The following PLXNA1 variants were observed in gnomAD, a reference collection of about 807,000 sequenced individuals.
PLXNA1 encodes the protein plexin A1, also known as plexin-A1.
In PLXNA1, 77 loss-of-function variants were observed where a neutral mutation model predicts 191.7. That is an observed-to-expected ratio of 0.40 (90% CI 0.33 to 0.49). The LOEUF is 0.49. Ranked by LOEUF, PLXNA1 falls within the 20% of genes least tolerant of loss-of-function variation. The pLI, the probability that PLXNA1 is intolerant of heterozygous loss-of-function variation, is 0.63. For missense variants in PLXNA1, 2,110 were observed against 2,660.2 expected (o/e 0.79, Z 4.55); for synonymous variants, 1,137 against 1,156.4 (o/e 0.98, Z 0.34).
chr3:127,023,498 C>T (rs896498084), intron 23 of PLXNA1, among the ~76,000 whole-genome samples: 3 of 152,204 alleles, frequency 2.0e-5, no homozygotes, highest in East Asian at 1.9e-4. Flanking sequence ...GCATGCTCCT[C>T]GCCTGGCTTC....
chr3:127,009,450 T>C (rs2079084996), intron 9 of PLXNA1, among the ~76,000 whole-genome samples: 1 of 151,920 alleles, frequency 6.6e-6, no homozygotes, highest in African/African-American at 2.4e-5. Context: ...CCACAAATAC[T>C]TACTCTTTTT....
Position 126,983,174 on chromosome 3 carries a change from C to T in PLXNA1, c.-187C>T, listed in dbSNP as rs1035154172. On this transcript the variant is annotated 5_prime_UTR_variant, in exon 1 of 32. Transcript: ENST00000393409. The stretch of plus-strand genomic sequence containing the variant: ...CGGAGCCCGGGCGCGGCGGCGGCCT[C>T]GGCCTGGGCGGCCTACGCGGCTTCG... 6.9e-6 allele frequency among the ~76,000 whole-genome samples: 1 copy of T among 144,746 alleles called. No individual in the cohort carries two copies. The highest frequency in any genetic ancestry group is 1.5e-5 in the Non-Finnish European group (1 of 65,304). 95.0% of individuals were successfully genotyped at this position (144,746 alleles called of 152,430 possible).
chr3:126,998,832 G>A (rs1057241470), intron 3 of PLXNA1, among the ~76,000 whole-genome samples: 1 of 152,172 alleles, frequency 6.6e-6, no homozygotes, highest in Admixed American at 6.5e-5. Context: ...GTGTGCTGGG[G>A]GTTGGGGGTG....
intron 19 of PLXNA1, 136 bp from the exon 20 acceptor site, chr3:127,018,157 TG>T: frequency 1.1e-6 from 1 of 906,782 alleles, no homozygotes. Flanking sequence ...GTCTCCACCC[TG>T]GTGACCACTC....
intron 17 of PLXNA1, 149 bp from the exon 18 acceptor site, chr3:127,017,276 C>T (rs988139866): frequency 2.0e-5 from 25 of 1,220,928 alleles, no homozygotes; most frequent in Non-Finnish European, 2.6e-5. Flanking sequence ...CCCTGGTCCA[C>T]GTCGGGTGGG....
chr3:127,000,266 G>A (rs902511734), intron 3 of PLXNA1, among the ~76,000 whole-genome samples: 9 of 152,130 alleles, frequency 5.9e-5, no homozygotes, highest in African/African-American at 2.2e-4. Flanking sequence ...CATGCCTGTG[G>A]CCCGTTCCCA....
At chr3:127,006,632 G>A (rs1185315040) in intron 8 of PLXNA1, among the ~76,000 whole-genome samples, 1 of 152,182 alleles carries the variant, frequency 6.6e-6, no homozygotes, top group Non-Finnish European at 1.5e-5. Flanking sequence ...CTGAGCAGGG[G>A]CCCAGACACG....
chr3:127,014,138 G>A (rs1316370573), intron 11 of PLXNA1, 22 bp downstream of exon 11: 2 of 1,613,188 alleles, frequency 1.2e-6, no homozygotes, highest in East Asian at 2.2e-5. Flanking sequence ...CCCCGGCGGG[G>A]TGGGCAGTGG....
chr3:127,014,980 C>T, intron 14 of PLXNA1, 149 bp downstream of exon 14: 1 of 1,393,808 alleles, frequency 7.2e-7, no homozygotes, highest in Non-Finnish European at 9.6e-7. Flanking sequence ...CCTCCTGTGC[C>T]TAGGCCAGCT....
chr3:127,006,061 GC>G lies in PLXNA1; in HGVS notation c.1898-16del, dbSNP rs893665097. ...CTGGGCAAGCAGTCCTGGTGACTCAGCCATGCTGCTCGTGCAGGAGACCAGC... is the reference window on the plus strand; with the variant it reads ...CTGGGCAAGCAGTCCTGGTGACTCAGCATGCTGCTCGTGCAGGAGACCAGC... On this transcript the variant is annotated splice_polypyrimidine_tract_variant and intron_variant, in intron 7 of 31. Transcript: ENST00000393409. The G allele has an allele frequency of 5.0e-6, 8 of 1,602,926 alleles. No individual in the cohort carries two copies. The African/African-American group carries it at 9.4e-5, about 19-fold the overall frequency.
At chr3:126,995,162 T>G (rs2079009313) in intron 3 of PLXNA1, among the ~76,000 whole-genome samples, 1 of 152,176 alleles carries the variant, frequency 6.6e-6, no homozygotes, top group African/African-American at 2.4e-5. Flanking sequence ...ACCTGCCAAC[T>G]TCGGCTATGG....
chr3:127,009,414 AG>A (rs1559959552), intron 9 of PLXNA1, among the ~76,000 whole-genome samples: 1 of 152,030 alleles, frequency 6.6e-6, no homozygotes, highest in African/African-American at 2.4e-5. Context: ...GTGGGGTCGC[AG>A]GACTATGTGG....
intron 1 of PLXNA1, among the ~76,000 whole-genome samples, chr3:126,984,708 TG>T (rs2078948905): frequency 6.6e-6 from 1 of 152,142 alleles, no homozygotes; most frequent in South Asian, 2.1e-4. Flanking sequence ...GTGTGTGCTC[TG>T]GGGGTGGGGG....
At chr3:126,987,104 A>G (rs536110543) in intron 1 of PLXNA1, among the ~76,000 whole-genome samples, 1 of 152,344 alleles carries the variant, frequency 6.6e-6, no homozygotes, top group South Asian at 2.1e-4. Flanking sequence ...ACTGCTGACT[A>G]TGCCTTGTGG....
intron 1 of PLXNA1, among the ~76,000 whole-genome samples, chr3:126,983,986 C>T (rs1429072920): frequency 6.6e-6 from 1 of 152,164 alleles, no homozygotes; most frequent in Non-Finnish European, 1.5e-5. Context: ...CCCAGGAGGC[C>T]GCCCCGCTCG....
At chr3:127,020,915 G>A (rs916186425) in intron 21 of PLXNA1, among the ~76,000 whole-genome samples, 16 of 152,202 alleles carry the variant, frequency 1.1e-4, no homozygotes, top group Admixed American at 5.2e-4. Context: ...GCTTTGCCCC[G>A]TAGACCTTGG....
rs918532894 is a variant in PLXNA1, at chr3:126,989,639, T to C, written c.1046T>C (p.Val349Ala). 6.8e-6 allele frequency: 11 copies of C among 1,612,932 alleles called. No homozygotes were observed. In the African/African-American group the frequency reaches 1.3e-4, roughly 20 times the overall value. ...TTCGCCCAGGGCCAGAAGAACCGCG[T>C]GAAGCCACCAAAGGAGTCAGCACTG... is the stretch of plus-strand genomic sequence containing the variant. ...TVFAQGQKNR[V>A]KPPKESALCL... Residue 349 changes from valine to alanine, a missense_variant, in exon 2 of 32, where the codon GTG (valine) becomes GCG (alanine). This residue lies in a region of PLXNA1 where 903 missense variants were observed against 1,015.7 expected (regional missense o/e 0.89). Transcript: ENST00000393409.
chr3:127,027,756 C>A (rs892327364), intron 23 of PLXNA1, 184 bp from the exon 24 acceptor site: 2 of 789,630 alleles, frequency 2.5e-6, no homozygotes, highest in African/African-American at 1.7e-5. Context: ...TGTTTTGTTT[C>A]CTGATTTTCT....
chr3:127,012,695 C>T (rs145035354), intron 10 of PLXNA1, among the ~76,000 whole-genome samples: 1 of 152,254 alleles, frequency 6.6e-6, no homozygotes, highest in African/African-American at 2.4e-5. Context: ...ATGCGTAGAC[C>T]TTCAGATCTG....
Sources: gnomAD v4.1 joint callset for allele counts (sites outside exome capture counted in the v4.1 genomes callset) on GRCh38, gnomAD v4.1.1 for gene constraint, gnomAD v4.1.1 regional missense constraint, MANE v1.5 for transcripts, NCBI Gene and HGNC (gene_info 2026-07-23, HGNC 2026-07-21) for gene names.